PDE4D: variants seen among roughly 807,000 people sequenced by gnomAD.
PDE4D encodes the protein 3',5'-cyclic-AMP phosphodiesterase 4D.
PDE4D carries 24 observed loss-of-function variants against 87.4 expected under a neutral mutation model. The observed-to-expected ratio is 0.27, with a 90% CI of 0.20 to 0.39. The LOEUF (loss-of-function observed/expected upper bound fraction) is 0.39, where lower values mean the gene tolerates loss of function less well. PDE4D is among the 10% of genes least tolerant of loss of function. The pLI is 1.00. For missense variants in PDE4D, 714 were observed against 1,041.0 expected (o/e 0.69, Z 4.32); for synonymous variants, 384 against 383.2 (o/e 1.00, Z -0.02).
intron 1 of PDE4D, among the ~76,000 whole-genome samples, chr5:59,748,527 C>T (rs1759960144): frequency 6.6e-6 from 1 of 151,894 alleles, no homozygotes; most frequent in South Asian, 2.1e-4. Context: ...TGGAAACCAT[C>T]ATTCTCAGCA....
chr5:60,298,085 G>A (rs74512092), intron 1 of PDE4D, among the ~76,000 whole-genome samples: 4,108 of 151,848 alleles, frequency 0.027, 156 homozygotes, highest in African/African-American at 0.094. Context: ...TTTGGCTGTG[G>A]TTTACATATA....
At chr5:60,426,336 A>G (rs1743711626) in intron 1 of PDE4D, among the ~76,000 whole-genome samples, 3 of 152,222 alleles carry the variant, frequency 2.0e-5, no homozygotes, top group Admixed American at 1.3e-4. Context: ...TATACCATGG[A>G]ATACTATGTA....
chr5:59,247,747 C>G (rs1036957622), intron 1 of PDE4D, among the ~76,000 whole-genome samples: 5 of 152,010 alleles, frequency 3.3e-5, no homozygotes, highest in African/African-American at 1.2e-4. Context: ...GCTCCTCCTC[C>G]TTGATCTTTA....
chr5:59,398,817 T>C (rs1282943818), intron 1 of PDE4D, among the ~76,000 whole-genome samples: 4 of 120,360 alleles, frequency 3.3e-5, no homozygotes, highest in East Asian at 5.4e-4. Flanking sequence ...TACATGATTG[T>C]ATATCTAGAA....
At chr5:59,954,541 G>C (rs963284836) in intron 3 of PDE4D, among the ~76,000 whole-genome samples, 1 of 152,106 alleles carries the variant, frequency 6.6e-6, no homozygotes, top group Non-Finnish European at 1.5e-5. Flanking sequence ...AGAAATGGCC[G>C]TTATTATTAG....
chr5:59,813,591 A>G (rs1260120926), intron 1 of PDE4D, among the ~76,000 whole-genome samples: 1 of 152,198 alleles, frequency 6.6e-6, no homozygotes, highest in African/African-American at 2.4e-5. Flanking sequence ...TCCTAAGCCA[A>G]TAAAATTATT....
At chr5:60,479,435 A>G (rs1007039956) in intron 1 of PDE4D, among the ~76,000 whole-genome samples, 1 of 152,164 alleles carries the variant, frequency 6.6e-6, no homozygotes, top group African/African-American at 2.4e-5. Context: ...TCTTTATCCA[A>G]CATAGCCTAC....
At chr5:59,860,908 G>A (rs1402694391) in intron 1 of PDE4D, among the ~76,000 whole-genome samples, 17 of 151,496 alleles carry the variant, frequency 1.1e-4, no homozygotes, top group Admixed American at 1.1e-3. Context: ...GCCCAGGCTG[G>A]AGTGCAATGG....
intron 1 of PDE4D, among the ~76,000 whole-genome samples, chr5:59,409,351 G>T (rs1272299159): frequency 1.3e-5 from 2 of 152,132 alleles, no homozygotes; most frequent in African/African-American, 4.8e-5. Flanking sequence ...GAGAAGAGAT[G>T]ATTCCATTTT....
intron 2 of PDE4D, among the ~76,000 whole-genome samples, chr5:59,998,896 A>ATAAG (rs1231623668): frequency 2.6e-5 from 4 of 152,202 alleles, no homozygotes; most frequent in Admixed American, 6.5e-5. Context: ...GAACAATTAT[A>ATAAG]TAAGTGTTAG....
At chr5:60,051,612 G>A (rs930860939) in intron 2 of PDE4D, among the ~76,000 whole-genome samples, 4 of 151,820 alleles carry the variant, frequency 2.6e-5, no homozygotes, top group Admixed American at 1.3e-4. Context: ...ACACCCTAAC[G>A]TCACAATTAA....
chr5:59,949,599 G>T (rs1405581917), intron 3 of PDE4D, among the ~76,000 whole-genome samples: 2 of 152,126 alleles, frequency 1.3e-5, no homozygotes, highest in Non-Finnish European at 2.9e-5. Context: ...CTGCCTCTAT[G>T]ACCAAGTGGG....
intron 3 of PDE4D, among the ~76,000 whole-genome samples, chr5:59,932,221 C>T (rs2152789381): frequency 6.6e-6 from 1 of 152,220 alleles, no homozygotes; most frequent in South Asian, 2.1e-4. Context: ...AAGTTGTCTC[C>T]TGTCAAAAAT....
chr5:60,231,760 C>G (rs1379033126), intron 1 of PDE4D, among the ~76,000 whole-genome samples: 3 of 151,968 alleles, frequency 2.0e-5, no homozygotes, highest in Non-Finnish European at 4.4e-5. Context: ...AGGACAATGA[C>G]CTCAAATTCT....
intron 1 of PDE4D, among the ~76,000 whole-genome samples, chr5:60,343,330 C>T (rs1758463120): frequency 6.6e-6 from 1 of 152,124 alleles, no homozygotes; most frequent in African/African-American, 2.4e-5. Context: ...TGACTAGCAA[C>T]CTGACCACAG....
chr5:59,172,285 T>C (rs1443291401), intron 5 of PDE4D, among the ~76,000 whole-genome samples: 1 of 130,002 alleles, frequency 7.7e-6, no homozygotes, highest in Non-Finnish European at 1.6e-5. Flanking sequence ...ATAAGAAATA[T>C]ATATTTATAT....
intron 1 of PDE4D, among the ~76,000 whole-genome samples, chr5:59,594,603 T>A (rs1411911709): frequency 6.6e-6 from 1 of 152,096 alleles, no homozygotes; most frequent in African/African-American, 2.4e-5. Flanking sequence ...TTACCAGGCA[T>A]GAGCCACCAT....
chr5:59,406,447 G>A (rs1180357287), intron 1 of PDE4D, among the ~76,000 whole-genome samples: 1 of 138,982 alleles, frequency 7.2e-6, no homozygotes, highest in Non-Finnish European at 1.5e-5. Flanking sequence ...CTGGAGTGCA[G>A]TGGCACAATC....
chr5:59,552,753 TTAAC>T (rs529149959), intron 1 of PDE4D, among the ~76,000 whole-genome samples: 76 of 152,298 alleles, frequency 5.0e-4, no homozygotes, highest in Non-Finnish European at 8.1e-4. Flanking sequence ...TTGATCAAAA[TTAAC>T]TATATGTACA....
Sources: allele counts gnomAD v4.1 joint callset (sites outside exome capture counted in the v4.1 genomes callset), GRCh38; gene constraint gnomAD v4.1.1; transcripts MANE v1.5; gene names NCBI Gene and HGNC (gene_info 2026-07-23, HGNC 2026-07-21).